ADGRB3: variants seen among roughly 807,000 people sequenced by gnomAD.
ADGRB3 encodes brain-specific angiogenesis inhibitor 3.
In ADGRB3, 37 loss-of-function variants were observed where a neutral mutation model predicts 193.4. That is an observed-to-expected ratio of 0.19 (90% CI 0.15 to 0.25). The LOEUF is 0.25. Ranked by LOEUF, ADGRB3 falls within the 10% of genes least tolerant of loss-of-function variation. The pLI, the probability that ADGRB3 is intolerant of heterozygous loss-of-function variation, is 1.00. For synonymous variants in ADGRB3, 690 were observed against 644.2 expected (o/e 1.07, Z -1.08); for missense variants, 1,637 against 1,852.9 (o/e 0.88, Z 2.14).
At chr6:69,320,825 A>ATGTGTGTGTGTGTGTGTG (rs5877204) in intron 20 of ADGRB3, among the ~76,000 whole-genome samples, 2,910 of 146,308 alleles carry the variant, frequency 0.02, 39 homozygotes, top group Middle Eastern at 0.065. Flanking sequence ...GCATGTGTGT[A>ATGTGTGTGTGTGTGTGTG]TGTGTGTGTG....
intron 13 of ADGRB3, among the ~76,000 whole-genome samples, chr6:69,045,185 T>G (rs1383048442): frequency 6.6e-6 from 1 of 152,126 alleles, no homozygotes; most frequent in African/African-American, 2.4e-5. Context: ...GGATTGAAGG[T>G]CGGATTGTTC....
chr6:69,186,894 A>G (rs906453032), intron 17 of ADGRB3, among the ~76,000 whole-genome samples: 5 of 150,808 alleles, frequency 3.3e-5, no homozygotes, highest in Admixed American at 2.0e-4. Flanking sequence ...ACCTCTATAC[A>G]GAGGTAAAAT....
chr6:68,691,875 C>T (rs968880155), intron 3 of ADGRB3, among the ~76,000 whole-genome samples: 5 of 150,988 alleles, frequency 3.3e-5, no homozygotes, highest in Non-Finnish European at 5.9e-5. Flanking sequence ...TGTATGCAAT[C>T]GAGATACTTA....
chr6:69,025,100 A>G (rs1039307835), intron 13 of ADGRB3, among the ~76,000 whole-genome samples: 1 of 151,476 alleles, frequency 6.6e-6, no homozygotes, highest in Non-Finnish European at 1.5e-5. Flanking sequence ...TCAAAAAAAA[A>G]AAAAAAAAAT....
At chr6:69,092,538 GATA>G (rs1239992019) in intron 17 of ADGRB3, among the ~76,000 whole-genome samples, 8 of 152,102 alleles carry the variant, frequency 5.3e-5, no homozygotes, top group African/African-American at 1.9e-4. Context: ...TTGATTTTTT[GATA>G]ATAATTGTAA....
intron 4 of ADGRB3, 94 bp from the exon 5 acceptor site, chr6:68,936,425 T>C: frequency 8.1e-7 from 1 of 1,235,718 alleles, no homozygotes. Context: ...TACATTTAAA[T>C]TATTCTTGCA....
intron 10 of ADGRB3, among the ~76,000 whole-genome samples, chr6:68,984,138 A>G (rs1292922937): frequency 6.6e-6 from 1 of 152,142 alleles, no homozygotes; most frequent in Non-Finnish European, 1.5e-5. Context: ...ACTAAGTGCA[A>G]TGGGAATGCA....
chr6:69,133,948 A>G (rs978198505), intron 17 of ADGRB3, among the ~76,000 whole-genome samples: 4 of 152,132 alleles, frequency 2.6e-5, no homozygotes, highest in South Asian at 4.1e-4. Context: ...TTTGTTTTCC[A>G]TTGCTGAATT....
At chr6:68,697,203 A>G (rs1765172748) in intron 3 of ADGRB3, among the ~76,000 whole-genome samples, 1 of 152,052 alleles carries the variant, frequency 6.6e-6, no homozygotes, top group African/African-American at 2.4e-5. Flanking sequence ...TTTTGTTGAC[A>G]AAAGCAAATT....
At chr6:68,837,425 T>C (rs1463011702) in intron 3 of ADGRB3, among the ~76,000 whole-genome samples, 1 of 152,228 alleles carries the variant, frequency 6.6e-6, no homozygotes, top group Non-Finnish European at 1.5e-5. Context: ...ATAGCTATAA[T>C]TGTTATTTGT....
intron 20 of ADGRB3, among the ~76,000 whole-genome samples, chr6:69,314,040 A>T (rs1453013221): frequency 6.6e-6 from 1 of 151,788 alleles, no homozygotes; most frequent in Non-Finnish European, 1.5e-5. Flanking sequence ...TGACTTAATT[A>T]TATTTCATTT....
chr6:69,273,177 A>G (rs558189629), intron 20 of ADGRB3, among the ~76,000 whole-genome samples: 5 of 152,326 alleles, frequency 3.3e-5, no homozygotes, highest in Admixed American at 3.3e-4. Flanking sequence ...CTGGGATTAC[A>G]GGTGTGAGCC....
intron 3 of ADGRB3, among the ~76,000 whole-genome samples, chr6:68,768,260 T>A (rs9829198): frequency 4.6e-5 from 7 of 152,148 alleles, no homozygotes; most frequent in Non-Finnish European, 7.3e-5. Flanking sequence ...AGAACAAATC[T>A]GGAGGCATCA....
chr6:68,845,530 C>T (rs747849336), intron 3 of ADGRB3, among the ~76,000 whole-genome samples: 5 of 152,120 alleles, frequency 3.3e-5, no homozygotes, highest in East Asian at 3.9e-4. Context: ...AGAATTCCCA[C>T]GTGTTGTGGG....
intron 17 of ADGRB3, among the ~76,000 whole-genome samples, chr6:69,201,829 C>A (rs1165983206): frequency 6.6e-6 from 1 of 152,052 alleles, no homozygotes; most frequent in Non-Finnish European, 1.5e-5. Context: ...ATATTCCTAC[C>A]CCTTTCTAAT....
intron 3 of ADGRB3, among the ~76,000 whole-genome samples, chr6:68,899,693 T>A (rs1426555818): frequency 6.6e-6 from 1 of 152,068 alleles, no homozygotes; most frequent in Non-Finnish European, 1.5e-5. Context: ...GTCTAGCCAT[T>A]CTTATATAGT....
intron 17 of ADGRB3, among the ~76,000 whole-genome samples, chr6:69,171,836 A>G (rs944184739): frequency 2.0e-5 from 3 of 152,186 alleles, no homozygotes; most frequent in Non-Finnish European, 4.4e-5. Flanking sequence ...TTGCTACCCA[A>G]TATCAATTTT....
intron 11 of ADGRB3, among the ~76,000 whole-genome samples, chr6:69,003,056 A>G (rs1769629696): frequency 6.6e-6 from 1 of 152,186 alleles, no homozygotes; most frequent in Non-Finnish European, 1.5e-5. Context: ...TCAATTTTCT[A>G]TTCAACAATA....
At chr6:68,727,602 T>A (rs1309371953) in intron 3 of ADGRB3, among the ~76,000 whole-genome samples, 2 of 151,498 alleles carry the variant, frequency 1.3e-5, no homozygotes, top group African/African-American at 4.8e-5. Context: ...GAAAAGTCAC[T>A]CTTTAGACTA....
Sources: allele counts gnomAD v4.1 joint callset (sites outside exome capture counted in the v4.1 genomes callset), GRCh38; gene constraint gnomAD v4.1.1; transcripts MANE v1.5; gene names NCBI Gene and HGNC (gene_info 2026-07-23, HGNC 2026-07-21).